TNRC6A: variants seen among roughly 807,000 people sequenced by gnomAD.
The protein encoded by TNRC6A is trinucleotide repeat containing adaptor 6A, also known as trinucleotide repeat-containing gene 6A protein.
TNRC6A carries 44 observed loss-of-function variants against 221.2 expected under a neutral mutation model. The ratio of observed to expected loss-of-function variants is 0.20; its 90% confidence interval spans 0.16 to 0.26. The LOEUF is 0.26. Ranked by LOEUF, TNRC6A falls within the 10% of genes least tolerant of loss-of-function variation. TNRC6A has a pLI of 1.00. For missense variants in TNRC6A, 2,199 were observed against 2,404.4 expected, an observed-to-expected ratio of 0.91 and a Z score of 1.79; for synonymous variants, 847 against 838.5, an observed-to-expected ratio of 1.01 and a Z score of -0.18.
intron 2 of TNRC6A, among the ~76,000 whole-genome samples, chr16:24,645,725 G>A (rs755276096): frequency 3.2e-4 from 48 of 148,866 alleles, no homozygotes; most frequent in Non-Finnish European, 5.1e-4. Context: ...AGCCAGGCGC[G>A]GTGGCTCATG....
At chr16:24,733,991 A>G (rs997894536) in intron 2 of TNRC6A, among the ~76,000 whole-genome samples, 2 of 152,130 alleles carry the variant, frequency 1.3e-5, no homozygotes. Flanking sequence ...GTGCAACATG[A>G]TAAGACTCTG....
chr16:24,637,373 C>T (rs745414681), intron 1 of TNRC6A, among the ~76,000 whole-genome samples: 14 of 152,114 alleles, frequency 9.2e-5, no homozygotes, highest in Admixed American at 5.9e-4. Flanking sequence ...GGCAGCCTGG[C>T]GTTCCCTCCA....
chr16:24,709,004 C>A (rs529169953), intron 2 of TNRC6A, among the ~76,000 whole-genome samples: 18 of 152,274 alleles, frequency 1.2e-4, no homozygotes, highest in African/African-American at 3.6e-4. Context: ...CGCCTGTAAT[C>A]CCAGCACTTT....
intron 19 of TNRC6A, chr16:24,816,582 A>G (rs1262068510): frequency 8.4e-6 from 4 of 476,150 alleles, no homozygotes; most frequent in African/African-American, 5.8e-5. Context: ...GTGTGTGGGT[A>G]TGTATATTCA....
chr16:24,643,094 T>TTATATATATATATTATATATATATATTA (rs1567319363), intron 2 of TNRC6A, among the ~76,000 whole-genome samples: 4 of 135,832 alleles, frequency 2.9e-5, no homozygotes, highest in African/African-American at 1.1e-4. Flanking sequence ...TATATATATT[T>TTATATATATATATTATATATATATATTA]TATATATATA....
intron 2 of TNRC6A, among the ~76,000 whole-genome samples, chr16:24,686,541 A>C (rs2055629324): frequency 6.6e-6 from 1 of 152,134 alleles, no homozygotes; most frequent in Non-Finnish European, 1.5e-5. Flanking sequence ...GGCACTTCAT[A>C]AATAATTATT....
chr16:24,712,913 G>GTGTGTGCGTA (rs2056233088), intron 2 of TNRC6A, among the ~76,000 whole-genome samples: 3 of 36,464 alleles, frequency 8.2e-5, no homozygotes, highest in African/African-American at 2.1e-4. Flanking sequence ...GCCACTGTGT[G>GTGTGTGCGTA]TGTGTGTGTG....
chr16:24,651,815 C>T (rs1011764002), intron 2 of TNRC6A, among the ~76,000 whole-genome samples: 21 of 151,034 alleles, frequency 1.4e-4, no homozygotes, highest in Non-Finnish European at 3.1e-4. Context: ...GAAAGTTGTA[C>T]AATGTGATGT....
At chr16:24,643,876 C>G (rs1596582177) in intron 2 of TNRC6A, among the ~76,000 whole-genome samples, 1 of 152,250 alleles carries the variant, frequency 6.6e-6, no homozygotes, top group African/African-American at 2.4e-5. Flanking sequence ...TCTAATTGCT[C>G]AGCTTCACAG....
intron 23 of TNRC6A, among the ~76,000 whole-genome samples, chr16:24,822,662 T>C (rs1021853134): frequency 5.3e-5 from 8 of 150,924 alleles, no homozygotes; most frequent in Non-Finnish European, 7.4e-5. Flanking sequence ...TGTCCAGGAG[T>C]CTAGAGGCCA....
chr16:24,819,387 G>A (rs1434891871), intron 21 of TNRC6A, among the ~76,000 whole-genome samples: 1 of 152,088 alleles, frequency 6.6e-6, no homozygotes, highest in African/African-American at 2.4e-5. Flanking sequence ...CTCCATTGCT[G>A]CGAGGCAGTG....
intron 2 of TNRC6A, among the ~76,000 whole-genome samples, chr16:24,732,362 A>G (rs1054920101): frequency 3.9e-5 from 6 of 152,314 alleles, no homozygotes; most frequent in Middle Eastern, 3.4e-3. Flanking sequence ...CGATATTTCA[A>G]CTGTGGGACT....
At chr16:24,736,931 C>T (rs1159755333) in intron 2 of TNRC6A, among the ~76,000 whole-genome samples, 2 of 152,142 alleles carry the variant, frequency 1.3e-5, no homozygotes, top group Admixed American at 6.5e-5. Context: ...TACTGTGGGA[C>T]ATAAAAGTTG....
Position 24,771,582 on chromosome 16 carries a change from T to TTTTATGTTATGTTATGTTGTGATGTTA in TNRC6A, c.164-5350_164-5349insTTATGTTATGTTATGTTGTGATGTTAT. 2.7e-3 allele frequency among the ~76,000 whole-genome samples: 257 copies of TTTTATGTTATGTTATGTTGTGATGTTA among 95,528 alleles called. 4 individuals carry two copies. The highest frequency in any genetic ancestry group is 3.0e-3 in the Non-Finnish European group (148 of 48,894). 62.7% of individuals were successfully genotyped at this position (95,528 alleles called of 152,430 possible). A position where few individuals can be genotyped will look rare whatever the true frequency, so the allele number is the denominator to read the frequency against. ...ATGTTTTATGTTATGTTATGTTATG[T>TTTTATGTTATGTTATGTTGTGATGTTA]TGTTATGTTATGTTATGTTATGTTA... On this transcript the variant is annotated intron_variant, in intron 4 of 24. Coordinates refer to ENST00000395799, the MANE Select transcript of TNRC6A (RefSeq NM_014494.4).
chr16:24,807,051 G>A (rs2058447933), intron 17 of TNRC6A, among the ~76,000 whole-genome samples: 1 of 151,340 alleles, frequency 6.6e-6, no homozygotes, highest in African/African-American at 2.4e-5. Flanking sequence ...TGTCACCCAG[G>A]GTGGAGTGCA....
At chr16:24,822,225 C>T in intron 23 of TNRC6A, 78 bp downstream of exon 23, 1 of 1,415,606 alleles carries the variant, frequency 7.1e-7, no homozygotes, top group East Asian at 2.3e-5. Context: ...GTATGTGAGA[C>T]AAGGGCTGCT....
intron 1 of TNRC6A, among the ~76,000 whole-genome samples, chr16:24,628,486 C>T (rs182580497): frequency 6.6e-6 from 1 of 152,150 alleles, no homozygotes; most frequent in African/African-American, 2.4e-5. Flanking sequence ...TCCCTTTCTA[C>T]CTTCTCCACC....
intron 2 of TNRC6A, among the ~76,000 whole-genome samples, chr16:24,697,344 C>G (rs2055884085): frequency 6.6e-6 from 1 of 152,142 alleles, no homozygotes; most frequent in Admixed American, 6.6e-5. Flanking sequence ...CACTTCAGTA[C>G]AAAGACTGGT....
At chr16:24,660,733 T>TTTTTC in intron 2 of TNRC6A, among the ~76,000 whole-genome samples, 1 of 132,146 alleles carries the variant, frequency 7.6e-6, no homozygotes, top group African/African-American at 3.2e-5. Context: ...TTTTTCTTTT[T>TTTTTC]TTTTTCTTTT....
Sources: allele counts gnomAD v4.1 joint callset (sites outside exome capture counted in the v4.1 genomes callset), GRCh38; gene constraint gnomAD v4.1.1; transcripts MANE v1.5; gene names NCBI Gene and HGNC (gene_info 2026-07-23, HGNC 2026-07-21).